The following CAMSAP2 variants were observed in gnomAD, a reference collection of about 807,000 sequenced individuals.
CAMSAP2 encodes calmodulin regulated spectrin associated protein family member 2.
Under a neutral mutation model 146.1 loss-of-function variants are expected in CAMSAP2, and 26 were observed. The ratio of observed to expected loss-of-function variants is 0.18; its 90% CI spans 0.13 to 0.25. CAMSAP2 has a LOEUF of 0.25. Ranked by LOEUF, CAMSAP2 falls within the 10% of genes least tolerant of loss-of-function variation. The pLI, the probability that CAMSAP2 is intolerant of heterozygous loss-of-function variation, is 1.00. For synonymous variants in CAMSAP2, 499 were observed against 596.6 expected (o/e 0.84, Z 2.38); for missense variants, 1,381 against 1,759.3 (o/e 0.78, Z 3.85).
At chr1:200,778,223 G>A (rs1665335486) in intron 2 of CAMSAP2, among the ~76,000 whole-genome samples, 1 of 152,110 alleles carries the variant, frequency 6.6e-6, no homozygotes, top group Non-Finnish European at 1.5e-5. Context: ...AGGTATTAGC[G>A]AATGTTTTAA....
At position 200,765,269 on chromosome 1, in the gene CAMSAP2, A is replaced by T. The variant is rs145154290; in HGVS notation, c.399+4171A>T. ...TTCGAGACTGAATTTTGCTCTTGTC[A>T]CCCAAGCTGGAGTGCAGTGACACAA... On this transcript the variant is annotated intron_variant, in intron 2 of 16. Coordinates refer to ENST00000358823, the MANE Select transcript of CAMSAP2 (RefSeq NM_203459.4). 1.3e-4 allele frequency among the ~76,000 whole-genome samples: 20 copies of T among 152,162 alleles called. No individual in the cohort carries two copies. In the East Asian group the frequency reaches 3.9e-3, roughly 29 times the overall value.
intron 2 of CAMSAP2, among the ~76,000 whole-genome samples, chr1:200,784,728 T>C (rs1334688070): frequency 6.6e-6 from 1 of 152,204 alleles, no homozygotes; most frequent in African/African-American, 2.4e-5. Flanking sequence ...CCACTATGTA[T>C]GTGGTCTGCT....
chr1:200,817,483 A>T (rs920993694), intron 4 of CAMSAP2, among the ~76,000 whole-genome samples: 1 of 152,158 alleles, frequency 6.6e-6, no homozygotes, highest in Non-Finnish European at 1.5e-5. Flanking sequence ...AATGTATTGT[A>T]ATTGGAACCC....
At position 200,849,519 on chromosome 1, in the gene CAMSAP2, G is replaced by T. The variant is rs753388228; in HGVS notation, c.2750G>T (p.Trp917Leu). The T allele has an allele frequency of 2.5e-6, 4 of 1,614,184 alleles. No homozygotes were observed. Among genetic ancestry groups the T allele is most frequent in the Non-Finnish European group, 3.4e-6 (4 of 1,180,038 alleles). ...ATGCAGATGAGAGAGCAACAATCTT[G>T]GGTGATTTCACCTCCACAACCCTCT... The part of the protein sequence containing the change: ...MLMQMREQQS[W>L]VISPPQPSPQ... Residue 917 changes from tryptophan (W) to leucine (L), a missense_variant, in exon 11 of 17, where the codon TGG (tryptophan) becomes TTG (leucine). Trp to Leu is a moderately conservative substitution (Grantham distance 61). Around this residue, in one of 4 missense-constraint regions of CAMSAP2, gnomAD observed 560 missense variants for 715.9 expected, o/e 0.78. Transcript: ENST00000358823. This position sits in a 1 kb window ranked among gnomAD's most constrained non-coding sequence, Gnocchi z 6.3.
At chr1:200,845,255 G>GC (rs1667429708) in intron 8 of CAMSAP2, among the ~76,000 whole-genome samples, 1 of 72,742 alleles carries the variant, frequency 1.4e-5, no homozygotes, top group Admixed American at 1.6e-4. Flanking sequence ...GGTTTTTCCT[G>GC]CTTTTTTTTT....
intron 1 of CAMSAP2, among the ~76,000 whole-genome samples, chr1:200,740,768 A>G (rs1664145209): frequency 6.6e-6 from 1 of 152,210 alleles, no homozygotes; most frequent in African/African-American, 2.4e-5. Context: ...AGTCTTTGCA[A>G]AATAACAGGA....
intron 4 of CAMSAP2, among the ~76,000 whole-genome samples, chr1:200,819,361 A>C (rs913129637): frequency 1.3e-5 from 2 of 152,196 alleles, no homozygotes; most frequent in Admixed American, 6.5e-5. Flanking sequence ...ATGCCAGAGA[A>C]ACAACAAATA....
chr1:200,797,018 G>C (rs551927061), intron 2 of CAMSAP2, among the ~76,000 whole-genome samples: 3 of 152,174 alleles, frequency 2.0e-5, no homozygotes, highest in Admixed American at 1.3e-4. Flanking sequence ...TTTTATGGCT[G>C]CATAGTATTC....
intron 1 of CAMSAP2, among the ~76,000 whole-genome samples, chr1:200,745,952 A>G (rs1664309210): frequency 6.6e-6 from 1 of 152,204 alleles, no homozygotes; most frequent in Non-Finnish European, 1.5e-5. Context: ...TGACAGTTAA[A>G]AAGTTTTTAA....
chr1:200,773,601 A>G (rs1363498690), intron 2 of CAMSAP2, among the ~76,000 whole-genome samples: 1 of 152,168 alleles, frequency 6.6e-6, no homozygotes, highest in Non-Finnish European at 1.5e-5. Flanking sequence ...TTCACTGCAG[A>G]TTAATAAATT....
intron 2 of CAMSAP2, among the ~76,000 whole-genome samples, chr1:200,761,457 C>T (rs1001171229): frequency 5.9e-5 from 9 of 152,178 alleles, no homozygotes; most frequent in African/African-American, 1.9e-4. Context: ...GATTTATGGC[C>T]GGGCGCGGTG....
intron 2 of CAMSAP2, among the ~76,000 whole-genome samples, chr1:200,768,017 CTCTT>C (rs1165327838): frequency 6.6e-6 from 1 of 152,186 alleles, no homozygotes; most frequent in Non-Finnish European, 1.5e-5. Flanking sequence ...CTCACAAAGA[CTCTT>C]TTTAATAAAA....
intron 12 of CAMSAP2, among the ~76,000 whole-genome samples, chr1:200,853,000 T>TACACACACACAC (rs67551824): frequency 1.4e-5 from 2 of 147,478 alleles, no homozygotes; most frequent in Non-Finnish European, 3.0e-5. Context: ...TCCTGGGAGA[T>TACACACACACAC]ACACACACAC....
At position 200,857,621 on chromosome 1, in the gene CAMSAP2, G is replaced by T; in HGVS notation, c.4132-133G>T. 3 of 891,744 alleles carry T rather than the reference G, an allele frequency of 3.4e-6. No homozygotes were observed. The highest frequency in any genetic ancestry group is 3.4e-6 in the Non-Finnish European group (2 of 595,826). 55.2% of individuals were successfully genotyped at this position (891,744 alleles called of 1,614,324 possible). A position where few individuals can be genotyped will look rare whatever the true frequency, so the allele number is the denominator to read the frequency against. On this transcript the variant is annotated intron_variant, in intron 16 of 16. Transcript: ENST00000358823. This position sits in a 1 kb window ranked among gnomAD's most constrained non-coding sequence, Gnocchi z 4.7. ...AGATTTTATTAAAGACTAGCAATAG[G>T]CTTTAAGATTTGTCATTGAAATAAT...
At chr1:200,821,220 T>C (rs1666754241) in intron 4 of CAMSAP2, among the ~76,000 whole-genome samples, 1 of 151,840 alleles carries the variant, frequency 6.6e-6, no homozygotes, top group Non-Finnish European at 1.5e-5. Context: ...TCTCACTCTA[T>C]TGCCCAGGCT....
At chr1:200,827,072 A>G (rs191396851) in intron 4 of CAMSAP2, among the ~76,000 whole-genome samples, 432 of 152,342 alleles carry the variant, frequency 2.8e-3, no homozygotes, top group African/African-American at 9.5e-3. Flanking sequence ...ATAAGTATGC[A>G]TAGTATATTT....
chr1:200,786,957 G>GCACATCTATTT (rs201683070), intron 2 of CAMSAP2, among the ~76,000 whole-genome samples: 2,679 of 151,850 alleles, frequency 0.018, 33 homozygotes, highest in Non-Finnish European at 0.027. Context: ...CTGGATGACA[G>GCACATCTATTT]CACATCTATT....
chr1:200,741,864 T>C lies in CAMSAP2; in HGVS notation c.139+1898T>C, dbSNP rs571881559. On this transcript the variant is annotated intron_variant, in intron 1 of 16. Coordinates refer to ENST00000358823, the MANE Select transcript of CAMSAP2 (RefSeq NM_203459.4). ...TTAGAGATTGATAACAAGTCTCTGATGTAGGTAGTGTGTTCCCCATTTAAA... is the reference window on the plus strand; with the variant it reads ...TTAGAGATTGATAACAAGTCTCTGACGTAGGTAGTGTGTTCCCCATTTAAA... Among the ~76,000 whole-genome samples the C allele has an allele frequency of 1.5e-4, 23 of 152,324 alleles. No individual in the cohort carries two copies. The South Asian group carries it at 4.8e-3, about 32-fold the overall frequency.
Position 200,849,671 on chromosome 1 carries a change from G to A in CAMSAP2, c.2902G>A (p.Ala968Thr), listed in dbSNP as rs776288347. The change falls in exon 11 of 17, where the codon GCA becomes ACA. Residue 968 changes from alanine (A) to threonine (T), a missense_variant. Ala to Thr is a moderately conservative substitution (Grantham distance 58). Around this residue, in one of 4 missense-constraint regions of CAMSAP2, gnomAD observed 560 missense variants for 715.9 expected, o/e 0.78. Transcript: ENST00000358823. The surrounding 1 kb of genome is among the most constrained non-coding windows in gnomAD (Gnocchi z 6.3). ...PSPQSSNRKS[A>T]SFSVKSQRTP... ...TCCACAGTCTTCTAACAGGAAAAGT[G>A]CATCTTTTTCTGTTAAAAGTCAAAG... 8.7e-6 allele frequency: 14 copies of A among 1,614,038 alleles called. No homozygotes were observed. Among genetic ancestry groups the A allele is most frequent in the East Asian group, 2.2e-5 (1 of 44,896 alleles).
Sources: gnomAD v4.1 joint callset for allele counts (sites outside exome capture counted in the v4.1 genomes callset) on GRCh38, gnomAD v4.1.1 for gene constraint, gnomAD v4.1.1 regional missense constraint, Gnocchi (gnomAD v3.1) non-coding constraint, MANE v1.5 for transcripts, NCBI Gene and HGNC (gene_info 2026-07-23, HGNC 2026-07-21) for gene names.